DST: variants seen among roughly 807,000 people sequenced by gnomAD.
The protein encoded by DST is dystonin, also known as bullous pemphigoid antigen.
A neutral mutation model predicts 875.2 loss-of-function variants in DST; 253 were observed. The ratio of observed to expected loss-of-function variants is 0.29; its 90% confidence interval spans 0.26 to 0.32. The LOEUF (loss-of-function observed/expected upper bound fraction) is 0.32, where lower values mean the gene tolerates loss of function less well. Ranked by LOEUF, DST falls within the 10% of genes least tolerant of loss-of-function variation. The pLI, the probability that DST is intolerant of heterozygous loss-of-function variation, is 1.00. For synonymous variants in DST, 3,124 were observed against 3,197.1 expected, an observed-to-expected ratio of 0.98 and a Z score of 0.77; for missense variants, 8,287 against 9,111.6, an observed-to-expected ratio of 0.91 and a Z score of 3.68.
intron 88 of DST, chr6:56,484,925 T>TA (rs1193505739): frequency 5.5e-6 from 1 of 180,576 alleles, no homozygotes; most frequent in African/African-American, 2.4e-5. Context: ...TCTACATACT[T>TA]ATGCAATGAC....
intron 2 of DST, among the ~76,000 whole-genome samples, chr6:56,916,774 T>TCACA (rs1275596111): frequency 2.4e-3 from 214 of 88,406 alleles, no homozygotes; most frequent in East Asian, 7.4e-3. Context: ...TCTCTCTCTC[T>TCACA]CTCTCACACA....
chr6:56,623,249 A>G (rs1284881699), intron 36 of DST, among the ~76,000 whole-genome samples: 2 of 152,190 alleles, frequency 1.3e-5, no homozygotes, highest in African/African-American at 4.8e-5. Flanking sequence ...AGTGGCCCAT[A>G]TATGTATAAT....
chr6:56,634,036 C>G (rs2098806170), intron 27 of DST, 96 bp downstream of exon 27: 2 of 1,420,704 alleles, frequency 1.4e-6, no homozygotes, highest in Admixed American at 3.4e-5. Context: ...TTGCCGGACT[C>G]CATCCTATTC....
At chr6:56,530,429 A>G (rs1359902450) in intron 64 of DST, among the ~76,000 whole-genome samples, 12 of 152,204 alleles carry the variant, frequency 7.9e-5, no homozygotes, top group Admixed American at 4.6e-4. Flanking sequence ...TGTTATAATA[A>G]TAACAGCAGT....
At chr6:56,461,280 T>C (rs2094317333) in intron 102 of DST, 1 of 152,218 alleles carries the variant, frequency 6.6e-6, no homozygotes, top group Admixed American at 6.5e-5. Flanking sequence ...TTTGTATACA[T>C]AGAATGTTCA....
chr6:56,607,588 A>G lies in DST; in HGVS notation c.7040T>C (p.Leu2347Ser). 6.2e-7 allele frequency: 1 copy of G among 1,612,880 alleles called. No homozygotes were observed. The highest frequency in any genetic ancestry group is 2.2e-5 in the East Asian group (1 of 44,810). ...SVCVPSLISY[L>S]TQTELADISM... ...AATGTCTGCAAGTTCAGTCTGTGTTAAATATGATATGAGACTGGGAACACA... is the reference window on the plus strand; with the variant it reads ...AATGTCTGCAAGTTCAGTCTGTGTTGAATATGATATGAGACTGGGAACACA... Residue 2347 changes from leucine to serine, a missense_variant, in exon 40 of 104, where the codon TTA (leucine) becomes TCA (serine). Leu to Ser is a moderately radical substitution (Grantham distance 145). Around this residue, in one of 10 missense-constraint regions of DST, gnomAD observed 3,138 missense variants for 3,116.6 expected, o/e 1.01. Transcript: ENST00000680361.
chr6:56,567,902 A>G (rs533508555), intron 55 of DST, among the ~76,000 whole-genome samples: 1 of 152,216 alleles, frequency 6.6e-6, no homozygotes, highest in Non-Finnish European at 1.5e-5. Context: ...TTACACATGA[A>G]TCTCCCATTT....
At chr6:56,704,926 G>T (rs1209755353) in intron 5 of DST, among the ~76,000 whole-genome samples, 1 of 152,144 alleles carries the variant, frequency 6.6e-6, no homozygotes, top group East Asian at 1.9e-4. Context: ...GAAGTCCTCT[G>T]TCCAAACCCT....
At chr6:56,858,236 G>T (rs1165569482) in intron 3 of DST, among the ~76,000 whole-genome samples, 1 of 149,444 alleles carries the variant, frequency 6.7e-6, no homozygotes, top group Non-Finnish European at 1.5e-5. Context: ...GAAGGTTACT[G>T]CTAAGTTCTG....
intron 4 of DST, among the ~76,000 whole-genome samples, chr6:56,820,606 C>G (rs747617369): frequency 6.6e-6 from 1 of 152,062 alleles, no homozygotes; most frequent in South Asian, 2.1e-4. Context: ...CAACTCTGCA[C>G]GCAGTGACAT....
rs113337670 is a variant in DST, at chr6:56,624,836, C to T, written c.4831-208G>A. Among the ~76,000 whole-genome samples, 3,358 of 152,132 alleles carry T rather than the reference C, an allele frequency of 0.022. 102 individuals carry two copies. The highest frequency in any genetic ancestry group is 0.076 in the African/African-American group (3,144 of 41,486). On this transcript the variant is annotated intron_variant, in intron 35 of 103. Transcript: ENST00000680361. ...CTCTTCTAAATTTCACCATGAAGTA[C>T]ATAAGTACATTTATTTATCTCCATA...
intron 2 of DST, among the ~76,000 whole-genome samples, chr6:56,930,209 T>G (rs564217271): frequency 3.9e-5 from 6 of 152,342 alleles, no homozygotes; most frequent in African/African-American, 1.2e-4. Flanking sequence ...CTATGCCGTA[T>G]CTTGGTTTTT....
intron 3 of DST, among the ~76,000 whole-genome samples, chr6:56,895,166 C>A (rs1790577255): frequency 2.6e-5 from 2 of 77,480 alleles, no homozygotes; most frequent in Non-Finnish European, 4.8e-5. Flanking sequence ...GCTGACCCCC[C>A]CCACCTCCCT....
At chr6:56,535,425 C>T (rs2096976483) in intron 62 of DST, 133 bp from the exon 63 acceptor site, 1 of 1,078,882 alleles carries the variant, frequency 9.3e-7, no homozygotes, top group Non-Finnish European at 1.3e-6. Flanking sequence ...TTAAAATTTA[C>T]CCAAAGTATC....
chr6:56,924,728 CAT>C (rs1806122728), intron 2 of DST, among the ~76,000 whole-genome samples: 2 of 152,102 alleles, frequency 1.3e-5, no homozygotes, highest in Non-Finnish European at 1.5e-5. Flanking sequence ...AATTTTCAAA[CAT>C]ATATGTCACT....
At chr6:56,733,683 TA>T (rs2099511307) in intron 5 of DST, among the ~76,000 whole-genome samples, 1 of 152,084 alleles carries the variant, frequency 6.6e-6, no homozygotes, top group South Asian at 2.1e-4. Context: ...CACAGACTGA[TA>T]ACCTTGCAAA....
At chr6:56,664,801 T>C (rs2099064010) in intron 10 of DST, among the ~76,000 whole-genome samples, 1 of 152,142 alleles carries the variant, frequency 6.6e-6, no homozygotes, top group Non-Finnish European at 1.5e-5. Context: ...AGTTAAAGTA[T>C]ACAAACAGAA....
intron 4 of DST, among the ~76,000 whole-genome samples, chr6:56,739,068 G>A (rs1405341949): frequency 6.8e-6 from 1 of 148,038 alleles, no homozygotes; most frequent in Admixed American, 6.8e-5. Flanking sequence ...GGCCCCTTAG[G>A]GGCATCATCT....
At chr6:56,563,286 G>A (rs2097571048) in intron 55 of DST, among the ~76,000 whole-genome samples, 1 of 152,190 alleles carries the variant, frequency 6.6e-6, no homozygotes, top group African/African-American at 2.4e-5. Context: ...ATTCTAACTA[G>A]TGTGAGATGG....
Sources: allele counts gnomAD v4.1 joint callset (sites outside exome capture counted in the v4.1 genomes callset), GRCh38; gene constraint gnomAD v4.1.1; regional missense constraint gnomAD v4.1.1; transcripts MANE v1.5; gene names NCBI Gene and HGNC (gene_info 2026-07-23, HGNC 2026-07-21).